ANO10: variants seen among roughly 807,000 people sequenced by gnomAD.
ANO10 encodes the protein anoctamin-10.
In ANO10, 77 loss-of-function variants were observed where a neutral mutation model predicts 74.7. That is an observed-to-expected ratio of 1.03 (90% CI 0.86 to 1.25). The LOEUF is 1.25. Among genes scored for constraint, ANO10 ranks in the 50% most tolerant of loss-of-function variants. ANO10 has a pLI of 0.00. For missense variants in ANO10, 721 were observed against 778.1 expected, an observed-to-expected ratio of 0.93 and a Z score of 0.87; for synonymous variants, 279 against 284.9, an observed-to-expected ratio of 0.98 and a Z score of 0.21.
At chr3:43,473,524 TTTG>T (rs1393979195) in intron 11 of ANO10, among the ~76,000 whole-genome samples, 4 of 152,218 alleles carry the variant, frequency 2.6e-5, no homozygotes, top group Admixed American at 2.0e-4. Context: ...ACTGTCATTA[TTTG>T]TTATCTGTTG....
chr3:43,589,062 T>G (rs988346498), intron 4 of ANO10, among the ~76,000 whole-genome samples: 3 of 152,194 alleles, frequency 2.0e-5, no homozygotes, highest in Non-Finnish European at 2.9e-5. Flanking sequence ...TCATGTCATA[T>G]GAATACTGAT....
At chr3:43,576,592 C>T (rs2081004447) in intron 6 of ANO10, 100 bp downstream of exon 6, 2 of 1,275,802 alleles carry the variant, frequency 1.6e-6, no homozygotes, top group African/African-American at 1.5e-5. Flanking sequence ...CCAAGAGCAA[C>T]ATCTATTTTC....
intron 2 of ANO10, among the ~76,000 whole-genome samples, chr3:43,603,423 C>T (rs2149489648): frequency 6.6e-6 from 1 of 151,858 alleles, no homozygotes; most frequent in East Asian, 1.9e-4. Flanking sequence ...GGAGGCTTGT[C>T]TCAATATTAT....
intron 12 of ANO10, among the ~76,000 whole-genome samples, chr3:43,406,372 C>T (rs759250435): frequency 3.3e-5 from 5 of 152,188 alleles, no homozygotes; most frequent in South Asian, 2.1e-4. Flanking sequence ...TACAAAACAT[C>T]GAGCTATAAA....
At chr3:43,480,304 A>C (rs1381650623) in intron 11 of ANO10, among the ~76,000 whole-genome samples, 1 of 152,236 alleles carries the variant, frequency 6.6e-6, no homozygotes, top group Non-Finnish European at 1.5e-5. Flanking sequence ...TTCTCAAAGA[A>C]ATAATTCAAG....
At chr3:43,674,473 A>G (rs1262155408) in intron 1 of ANO10, among the ~76,000 whole-genome samples, 3 of 152,152 alleles carry the variant, frequency 2.0e-5, no homozygotes, top group Non-Finnish European at 4.4e-5. Context: ...CTTTTTGATG[A>G]AAGTTTTCCT....
At chr3:43,432,298 A>G (rs1274534757) in intron 12 of ANO10, among the ~76,000 whole-genome samples, 1 of 152,152 alleles carries the variant, frequency 6.6e-6, no homozygotes, top group Non-Finnish European at 1.5e-5. Flanking sequence ...GTAGATGGCA[A>G]AACTGGAAGC....
intron 11 of ANO10, among the ~76,000 whole-genome samples, chr3:43,499,497 C>T (rs2077025209): frequency 6.6e-6 from 1 of 151,976 alleles, no homozygotes; most frequent in South Asian, 2.1e-4. Context: ...AGGGCATTTG[C>T]AAGGCACAGA....
chr3:43,551,670 G>C (rs557370914), intron 10 of ANO10: 44 of 422,420 alleles, frequency 1.0e-4, no homozygotes, highest in African/African-American at 6.9e-4. Flanking sequence ...CTGGTAATTT[G>C]ACACTTTTAT....
intron 1 of ANO10, among the ~76,000 whole-genome samples, chr3:43,655,859 C>T (rs1225301024): frequency 3.4e-5 from 3 of 88,394 alleles, no homozygotes; most frequent in African/African-American, 1.4e-4. Flanking sequence ...TCCACGTCCC[C>T]ACCAGAGCAG....
At chr3:43,443,875 T>G (rs963789634) in intron 11 of ANO10, among the ~76,000 whole-genome samples, 3 of 151,766 alleles carry the variant, frequency 2.0e-5, no homozygotes, top group Admixed American at 6.6e-5. Flanking sequence ...TAGAGACGGG[T>G]TTCACCATGT....
At chr3:43,620,690 G>C (rs1311537600) in intron 1 of ANO10, among the ~76,000 whole-genome samples, 2 of 152,174 alleles carry the variant, frequency 1.3e-5, no homozygotes, top group African/African-American at 4.8e-5. Flanking sequence ...GCTTGAACCC[G>C]AGAGGCGGAG....
At chr3:43,681,618 G>T (rs998869910) in intron 1 of ANO10, among the ~76,000 whole-genome samples, 1 of 152,162 alleles carries the variant, frequency 6.6e-6, no homozygotes, top group Admixed American at 6.5e-5. Flanking sequence ...AAAATCAACA[G>T]AATATACATT....
At chr3:43,595,875 C>G (rs966369754) in intron 4 of ANO10, among the ~76,000 whole-genome samples, 2 of 152,076 alleles carry the variant, frequency 1.3e-5, no homozygotes, top group African/African-American at 2.4e-5. Context: ...ATCGTCTCAG[C>G]CAAAAATCTC....
At chr3:43,434,358 T>C (rs114280452) in intron 11 of ANO10, among the ~76,000 whole-genome samples, 1 of 152,214 alleles carries the variant, frequency 6.6e-6, no homozygotes, top group Non-Finnish European at 1.5e-5. Flanking sequence ...AAAACCTGGA[T>C]ATAATCTCCA....
chr3:43,576,965 T>C lies in ANO10; in HGVS notation c.889A>G (p.Ile297Val), dbSNP rs777030076. 2 of 1,613,934 alleles carry C rather than the reference T, an allele frequency of 1.2e-6. No homozygotes were observed. Among genetic ancestry groups the C allele is most frequent in the Non-Finnish European group, 8.5e-7 (1 of 1,179,822 alleles). ...GFHGVLGINS[I>V]TGKEEPLYPS... ...TACAGAGGCTCCTCCTTCCCAGTGA[T>C]GGAATTGATACCCAAGACACCATGA... The change falls in exon 6 of 13, where the codon ATC becomes GTC. Residue 297 changes from isoleucine (I) to valine (V), a missense_variant. By Grantham distance (29) the Ile-to-Val change is conservative. Transcript: ENST00000292246.
rs544028150 is a variant in ANO10 at position 43,394,745 on chromosome 3, G to A, written c.1915-27771C>T. ...TGAGCTGCCCCGGGTGGAGGGGTGG[G>A]GGTGCACTTTGAAGCCCTGATCTCT... On this transcript the variant is annotated intron_variant, in intron 12 of 12. Transcript: ENST00000292246. 4.8e-4 allele frequency among the ~76,000 whole-genome samples: 73 copies of A among 152,256 alleles called. 1 individual carries two copies. The highest frequency in any genetic ancestry group is 4.2e-3 in the Admixed American group (65 of 15,296).
intron 12 of ANO10, among the ~76,000 whole-genome samples, chr3:43,387,720 G>T (rs565616149): frequency 6.6e-6 from 1 of 152,174 alleles, no homozygotes; most frequent in Non-Finnish European, 1.5e-5. Context: ...CAAGTGGCTG[G>T]TACTAGGCAC....
intron 11 of ANO10, among the ~76,000 whole-genome samples, chr3:43,490,267 T>G (rs1378171646): frequency 2.0e-5 from 3 of 152,156 alleles, no homozygotes; most frequent in Admixed American, 1.3e-4. Context: ...AAGTCTTGCA[T>G]GGTGTGTGTG....
Sources: gnomAD v4.1 joint callset for allele counts (sites outside exome capture counted in the v4.1 genomes callset) on GRCh38, gnomAD v4.1.1 for gene constraint, MANE v1.5 for transcripts, NCBI Gene and HGNC (gene_info 2026-07-23, HGNC 2026-07-21) for gene names.